PEX10: variants seen among roughly 807,000 people sequenced by gnomAD.
The protein encoded by PEX10 is peroxisomal biogenesis factor 10.
Under a neutral mutation model 38.0 loss-of-function variants are expected in PEX10, and 32 were observed. The ratio of observed to expected loss-of-function variants is 0.84; its 90% CI spans 0.63 to 1.13. The LOEUF is 1.13. Ranked by LOEUF, PEX10 falls within the 50% of genes most tolerant of loss-of-function variation. The probability of loss-of-function intolerance (pLI) is 0.00; values close to 1 mark genes in which losing one functional copy is unlikely to be tolerated. For missense variants in PEX10, 483 were observed against 457.7 expected, an observed-to-expected ratio of 1.06 and a Z score of -0.51; for synonymous variants, 206 against 207.3, an observed-to-expected ratio of 0.99 and a Z score of 0.05.
upstream of PEX10, among the ~76,000 whole-genome samples, chr1:2,413,227 C>T (rs894550433): frequency 4.6e-5 from 7 of 152,204 alleles, no homozygotes; most frequent in Admixed American, 1.3e-4. Flanking sequence ...GGAGGCAGGG[C>T]CTGGCGGGTG....
chr1:2,406,951 G>A lies in PEX10; in HGVS notation c.601-56C>T, dbSNP rs761449217. On this transcript the variant is annotated intron_variant, in intron 3 of 5. Coordinates refer to ENST00000447513, the MANE Select transcript of PEX10 (RefSeq NM_002617.4). ...GACCCTGAGGGGATCTGGCCTCAGC[G>A]CCTGCTGGGAGGGTCACACGTTCAG... is the stretch of plus-strand genomic sequence containing the variant. 12 of 1,575,890 alleles carry A rather than the reference G, an allele frequency of 7.6e-6. No individual in the cohort carries two copies. Among genetic ancestry groups the A allele is most frequent in the Admixed American group, 3.7e-5 (2 of 54,632 alleles).
Position 2,408,868 on chromosome 1 carries a change from A to G in PEX10, c.194-10T>C, listed in dbSNP as rs770764603. The G allele has an allele frequency of 2.9e-5, 46 of 1,613,802 alleles. No homozygotes were observed. The highest frequency in any genetic ancestry group is 3.7e-5 in the Non-Finnish European group (44 of 1,179,836). On this transcript the variant is annotated splice_polypyrimidine_tract_variant and intron_variant, in intron 2 of 5. Coordinates refer to ENST00000447513, the MANE Select transcript of PEX10 (RefSeq NM_002617.4). ...CCCAGGGTCTGGTAGCCTGCGAGGA[A>G]GAGGATGGGTATGTGGACCCTGAGA...
chr1:2,406,434 G>C (rs773572267), intron 5 of PEX10, 50 bp downstream of exon 5: 33 of 1,603,170 alleles, frequency 2.1e-5, no homozygotes, highest in Non-Finnish European at 2.7e-5. Context: ...GGTGCATCTT[G>C]CCGGCACAGC....
chr1:2,413,733 C>T (rs1275847703), upstream of PEX10: 1 of 152,424 alleles, frequency 6.6e-6, no homozygotes, highest in Non-Finnish European at 1.5e-5. Context: ...CCGCTGACCT[C>T]AGTGGGGAGG....
chr1:2,408,388 C>A, intron 3 of PEX10, 64 bp downstream of exon 3: 1 of 1,581,022 alleles, frequency 6.3e-7, no homozygotes, highest in South Asian at 1.1e-5. Context: ...TGTGCATGCA[C>A]CCAAGTCCAG....
chr1:2,405,583 G>A lies in PEX10; in HGVS notation c.*183C>T. On this transcript the variant is annotated 3_prime_UTR_variant, in exon 6 of 6. Transcript: ENST00000447513. ...TCTGGGTTCAGGCGCCCCTCCCAGG[G>A]CTGAGAAAGCGCAGCCAGGGACAGC... is the stretch of plus-strand genomic sequence containing the variant. 7.0e-6 allele frequency: 5 copies of A among 710,896 alleles called. No homozygotes were observed. In the East Asian group the frequency reaches 1.3e-4, roughly 19 times the overall value. The allele number at this position is 710,896 out of a possible 1,614,324, so 44.0% of individuals were successfully genotyped here. A position where few individuals can be genotyped will look rare whatever the true frequency, so the allele number is the denominator to read the frequency against.
upstream of PEX10, chr1:2,412,594 T>A (rs1415421841): frequency 9.9e-7 from 1 of 1,012,690 alleles, no homozygotes; most frequent in East Asian, 3.5e-5. Context: ...TGGCTCTGCG[T>A]GCGGCGCAGA....
upstream of PEX10, chr1:2,412,624 G>A: frequency 1.3e-6 from 1 of 774,734 alleles, no homozygotes; most frequent in South Asian, 5.0e-5. Flanking sequence ...CAAGGTGCTG[G>A]GGCGGGGCCG....
At chr1:2,411,321 C>T (rs534597063) in intron 1 of PEX10, among the ~76,000 whole-genome samples, 43 of 150,390 alleles carry the variant, frequency 2.9e-4, no homozygotes, top group African/African-American at 1.0e-3. Context: ...CTGCAACCTC[C>T]GCCTCCCGGG....
chr1:2,408,910 AG>A, intron 2 of PEX10, 52 bp from the exon 3 acceptor site: 1 of 1,576,588 alleles, frequency 6.3e-7, no homozygotes, highest in Non-Finnish European at 8.7e-7. Flanking sequence ...CCGCGGGGAC[AG>A]GCTCCCGGCG....
chr1:2,411,380 G>A (rs940062279), intron 1 of PEX10, among the ~76,000 whole-genome samples: 6 of 151,778 alleles, frequency 4.0e-5, no homozygotes, highest in African/African-American at 7.3e-5. Context: ...TTACACGCAC[G>A]CGCCACCACG....
Position 2,412,559 on chromosome 1 carries a change from G to A in PEX10, c.-57C>T. On this transcript the variant is annotated 5_prime_UTR_variant, in exon 1 of 6. Coordinates refer to ENST00000447513, the MANE Select transcript of PEX10 (RefSeq NM_002617.4). ...CGCCGGCCACGCCCACGCCCAGACGGGCGAGAACTGATGACGGCACGACGT... is the reference window on the plus strand; with the variant it reads ...CGCCGGCCACGCCCACGCCCAGACGAGCGAGAACTGATGACGGCACGACGT... 8.2e-7 allele frequency: 1 copy of A among 1,221,518 alleles called. No individual in the cohort carries two copies. Among genetic ancestry groups the A allele is most frequent in the South Asian group, 2.3e-5 (1 of 42,722 alleles). 75.7% of individuals were successfully genotyped at this position (1,221,518 alleles called of 1,614,324 possible).
chr1:2,406,585 G>A lies in PEX10; in HGVS notation c.811C>T (p.Pro271Ser), dbSNP rs886043542. ...TCCTCCAGGCACAGGGTGCACAGGG[G>A]GTTTCTGGAAACGGCTCTCTCCTCC... ...SLEERAVSRN[P>S]LCTLCLEERR... Residue 271 changes from proline (P) to serine (S), a missense_variant, in exon 5 of 6, where the codon CCC becomes TCC. Transcript: ENST00000447513. 1 of 1,613,464 alleles carries A rather than the reference G, an allele frequency of 6.2e-7. No individual in the cohort carries two copies. The highest frequency in any genetic ancestry group is 8.5e-7 in the Non-Finnish European group (1 of 1,179,982).
intron 5 of PEX10, 59 bp from the exon 6 acceptor site, chr1:2,405,893 A>C: frequency 7.5e-7 from 1 of 1,341,072 alleles, no homozygotes. Flanking sequence ...GCCCATCCCC[A>C]TCGGCATTTC....
upstream of PEX10, among the ~76,000 whole-genome samples, chr1:2,413,049 G>A (rs1643328202): frequency 6.6e-6 from 1 of 152,236 alleles, no homozygotes; most frequent in African/African-American, 2.4e-5. Context: ...TGAGCTGCGC[G>A]GGCTCTCAGC....
In PEX10 at chr1:2,408,681, C is replaced by T. The variant is rs1169193497; in HGVS notation, c.371G>A (p.Gly124Glu). The T allele has an allele frequency of 1.9e-6, 3 of 1,612,686 alleles. No homozygotes were observed. The Admixed American group carries it at 5.0e-5, about 27-fold the overall frequency. ...EQELQADPDS[G>E]RPLQGSLGPG... is the part of the protein sequence containing the mutation. The stretch of plus-strand genomic sequence containing the variant: ...CCCCAGGCTCCCCTGCAAGGGTCGC[C>T]CACTGTCGGGGTCAGCCTGCAGCTC... Residue 124 changes from glycine to glutamate, a missense_variant, in exon 3 of 6, where the codon GGG becomes GAG. Transcript: ENST00000447513.
intron 1 of PEX10, among the ~76,000 whole-genome samples, chr1:2,411,061 G>A (rs545634167): frequency 1.4e-4 from 21 of 152,122 alleles, no homozygotes; most frequent in African/African-American, 4.8e-4. Context: ...CACGGAGCCT[G>A]GCTGTCCTCT....
At position 2,405,632 on chromosome 1, in the gene PEX10, T is replaced by C; in HGVS notation, c.*134A>G. On this transcript the variant is annotated 3_prime_UTR_variant, in exon 6 of 6. Coordinates refer to ENST00000447513, the MANE Select transcript of PEX10 (RefSeq NM_002617.4). ...GCTTTCTGTTCTCTCCCAGGGTGGC[T>C]AGGTTAGTATCTTACATGACAAAAA... 1.2e-6 allele frequency: 1 copy of C among 832,252 alleles called. No individual in the cohort carries two copies. The highest frequency in any genetic ancestry group is 2.0e-5 in the Admixed American group (1 of 50,076). 51.6% of individuals were successfully genotyped at this position (832,252 alleles called of 1,614,324 possible).
rs55746053 is a variant in PEX10, at chr1:2,406,121, G to A, written c.913-287C>T. 0.016 allele frequency among the ~76,000 whole-genome samples: 2,485 copies of A among 152,238 alleles called. 23 individuals are homozygous for A. Among genetic ancestry groups the A allele is most frequent in the Middle Eastern group, 0.065 (19 of 294 alleles). On this transcript the variant is annotated intron_variant, in intron 5 of 5. Coordinates refer to ENST00000447513, the MANE Select transcript of PEX10 (RefSeq NM_002617.4). ...CACGAAGCCCAGCTCCTGGGAAAGC[G>A]TGCGCTCTCACCCTGCCGGCATCTT... is the stretch of plus-strand genomic sequence containing the variant.
Sources: allele counts gnomAD v4.1 joint callset (sites outside exome capture counted in the v4.1 genomes callset), GRCh38; gene constraint gnomAD v4.1.1; transcripts MANE v1.5; gene names NCBI Gene and HGNC (gene_info 2026-07-23, HGNC 2026-07-21).